CRB1: variants seen among roughly 807,000 people sequenced by gnomAD.
CRB1 encodes protein crumbs homolog 1.
In CRB1, 83 loss-of-function variants were observed where a neutral mutation model predicts 120.0. The ratio of observed to expected loss-of-function variants is 0.69; its 90% CI spans 0.58 to 0.83. The LOEUF is 0.83. Ranked by LOEUF, CRB1 falls within the 40% of genes least tolerant of loss-of-function variation. The pLI, the probability that CRB1 is intolerant of heterozygous loss-of-function variation, is 0.00. For missense variants in CRB1, 1,699 were observed against 1,687.6 expected (o/e 1.01, Z -0.12); for synonymous variants, 625 against 612.5 (o/e 1.02, Z -0.30).
the CRB1 span, among the ~76,000 whole-genome samples, chr1:197,227,269 TG>T: frequency 3.3e-5 from 5 of 151,982 alleles, no homozygotes; most frequent in Non-Finnish European, 7.4e-5. Flanking sequence ...CTAGATACAA[TG>T]GGGGTACAGG....
intron 5 of CRB1, among the ~76,000 whole-genome samples, chr1:197,406,407 T>A: frequency 6.6e-6 from 1 of 152,124 alleles, no homozygotes; most frequent in East Asian, 1.9e-4. Flanking sequence ...CACCACTCCT[T>A]AATCTCAAGT....
chr1:197,416,407 C>T (rs1032844223), intron 5 of CRB1, among the ~76,000 whole-genome samples: 1 of 152,144 alleles, frequency 6.6e-6, no homozygotes, highest in Non-Finnish European at 1.5e-5. Context: ...TGGGAACATA[C>T]TATGTACAAT....
chr1:197,417,619 A>G (rs1269096872), intron 5 of CRB1, among the ~76,000 whole-genome samples: 1 of 152,214 alleles, frequency 6.6e-6, no homozygotes, highest in Non-Finnish European at 1.5e-5. Context: ...ACAGTTCTCT[A>G]GAGTGAGTCT....
the CRB1 span, among the ~76,000 whole-genome samples, chr1:197,250,959 C>A: frequency 6.6e-6 from 1 of 151,968 alleles, no homozygotes; most frequent in Non-Finnish European, 1.5e-5. Flanking sequence ...TCCATTCTGC[C>A]CACTTGGTAG....
chr1:197,406,013 C>T lies in CRB1; in HGVS notation c.1172-14987C>T, dbSNP rs528209987. On this transcript the variant is annotated intron_variant, in intron 5 of 11. Transcript: ENST00000367400. Reference sequence around the variant, plus strand: ...CCGGGAGGTGAGGGGCGCCTCTGCCCGGCCGCCCCTACTGGGAAGTGAGGA... The same window carrying T: ...CCGGGAGGTGAGGGGCGCCTCTGCCTGGCCGCCCCTACTGGGAAGTGAGGA... Among the ~76,000 whole-genome samples the T allele has an allele frequency of 7.9e-4, 120 of 151,668 alleles. 2 individuals carry two copies. Among genetic ancestry groups the T allele is most frequent in the African/African-American group, 2.5e-3 (104 of 41,394 alleles).
intron 2 of CRB1, among the ~76,000 whole-genome samples, chr1:197,338,494 A>T (rs1036353641): frequency 1.3e-5 from 2 of 152,196 alleles, no homozygotes; most frequent in African/African-American, 4.8e-5. Flanking sequence ...GCTGACAAAG[A>T]GAAGACATTC....
the CRB1 span, among the ~76,000 whole-genome samples, chr1:197,243,684 T>C: frequency 6.6e-6 from 1 of 152,186 alleles, no homozygotes; most frequent in Non-Finnish European, 1.5e-5. Flanking sequence ...AGATGTCTAT[T>C]AGGTTTGCTT....
At chr1:197,471,370 A>C (rs879631793) in intron 11 of CRB1, among the ~76,000 whole-genome samples, 1 of 152,118 alleles carries the variant, frequency 6.6e-6, no homozygotes. Flanking sequence ...GTAGCTCACC[A>C]TTGTTCTGTT....
chr1:197,466,976 A>G (rs1490761013), intron 11 of CRB1, among the ~76,000 whole-genome samples: 1 of 152,216 alleles, frequency 6.6e-6, no homozygotes, highest in Admixed American at 6.5e-5. Context: ...GGAAACTAAC[A>G]TGTGATGTGA....
intron 1 of CRB1, among the ~76,000 whole-genome samples, chr1:197,310,209 G>C (rs1031386136): frequency 6.6e-6 from 1 of 152,040 alleles, no homozygotes; most frequent in African/African-American, 2.4e-5. Flanking sequence ...AGTTCAAGGA[G>C]GATCCTGCCC....
chr1:197,388,351 A>G (rs1026919805), intron 5 of CRB1, among the ~76,000 whole-genome samples: 2 of 152,144 alleles, frequency 1.3e-5, no homozygotes, highest in African/African-American at 2.4e-5. Context: ...CAATGTCATC[A>G]TTATATCCTA....
the CRB1 span, among the ~76,000 whole-genome samples, chr1:197,226,359 A>T: frequency 3.9e-5 from 6 of 152,342 alleles, no homozygotes; most frequent in South Asian, 1.2e-3. Flanking sequence ...TAATTACTTA[A>T]ATAATTCTAC....
At chr1:197,449,793 G>T (rs1276504206) in intron 11 of CRB1, among the ~76,000 whole-genome samples, 1 of 152,332 alleles carries the variant, frequency 6.6e-6, no homozygotes, top group Non-Finnish European at 1.5e-5. Flanking sequence ...TTAGCTGGGT[G>T]ACTTGGAGTG....
chr1:197,241,212 T>C, the CRB1 span, among the ~76,000 whole-genome samples: 2 of 152,210 alleles, frequency 1.3e-5, no homozygotes, highest in African/African-American at 4.8e-5. Context: ...TAATTGGATC[T>C]TATTTGTCAA....
intron 11 of CRB1, among the ~76,000 whole-genome samples, chr1:197,477,234 A>G (rs962071651): frequency 6.6e-6 from 1 of 152,216 alleles, no homozygotes; most frequent in African/African-American, 2.4e-5. Flanking sequence ...TTCCCAAAGC[A>G]ACAAAACAAA....
chr1:197,344,541 C>A, intron 3 of CRB1, 65 bp downstream of exon 3: 1 of 1,486,332 alleles, frequency 6.7e-7, no homozygotes, highest in Non-Finnish European at 9.4e-7. Context: ...TTTTACCACT[C>A]TGTTGAATTT....
intron 1 of CRB1, among the ~76,000 whole-genome samples, chr1:197,312,703 A>G (rs1330923080): frequency 1.3e-5 from 2 of 152,250 alleles, no homozygotes; most frequent in Admixed American, 6.5e-5. Context: ...GAGCACTTTT[A>G]TATTGTGTTT....
At chr1:197,252,580 A>ATGTGTGTGTGTG in the CRB1 span, among the ~76,000 whole-genome samples, 17 of 22,320 alleles carry the variant, frequency 7.6e-4, no homozygotes, top group Non-Finnish European at 1.2e-3. Context: ...ATATATATAT[A>ATGTGTGTGTGTG]TATGTGTGTG....
intron 5 of CRB1, among the ~76,000 whole-genome samples, chr1:197,417,850 G>A (rs1445293304): frequency 1.3e-5 from 2 of 152,164 alleles, no homozygotes; most frequent in Non-Finnish European, 2.9e-5. Flanking sequence ...GATAGAAAGA[G>A]GGAAGAAGGC....
Sources: allele counts gnomAD v4.1 joint callset (sites outside exome capture counted in the v4.1 genomes callset), GRCh38; gene constraint gnomAD v4.1.1; transcripts MANE v1.5; gene names NCBI Gene and HGNC (gene_info 2026-07-23, HGNC 2026-07-21).